Variants in GRIN2A observed in about 807,000 individuals in gnomAD.
GRIN2A encodes glutamate ionotropic receptor NMDA type subunit 2A.
A neutral mutation model predicts 113.4 loss-of-function variants in GRIN2A; 22 were observed. The ratio of observed to expected loss-of-function variants is 0.19; its 90% CI spans 0.14 to 0.28. The LOEUF (loss-of-function observed/expected upper bound fraction) is 0.28. Ranked by LOEUF, GRIN2A falls within the 10% of genes least tolerant of loss-of-function variation. GRIN2A has a pLI of 1.00. For synonymous variants in GRIN2A, 827 were observed against 738.4 expected (o/e 1.12, Z -1.94); for missense variants, 1,502 against 1,887.0 (o/e 0.80, Z 3.78).
At chr16:9,945,853 C>T (rs981116896) in intron 2 of GRIN2A, among the ~76,000 whole-genome samples, 6 of 152,114 alleles carry the variant, frequency 3.9e-5, no homozygotes, top group African/African-American at 1.4e-4. Context: ...TTTGCTATAT[C>T]ATTTAGTCAA....
intron 2 of GRIN2A, chr16:10,036,878 C>A (rs959056439): frequency 6.6e-6 from 1 of 152,096 alleles, no homozygotes; most frequent in Non-Finnish European, 1.5e-5. Context: ...TAATGACCTC[C>A]TTTTAACTTG....
chr16:9,837,894 T>G (rs978207519), intron 7 of GRIN2A, among the ~76,000 whole-genome samples: 5 of 152,150 alleles, frequency 3.3e-5, no homozygotes, highest in African/African-American at 1.2e-4. Context: ...TTACAAAAAT[T>G]GAAGCAACGA....
At chr16:9,798,253 G>A (rs756983636) in intron 11 of GRIN2A, 24 bp downstream of exon 11, 9 of 1,603,194 alleles carry the variant, frequency 5.6e-6, no homozygotes, top group Middle Eastern at 1.7e-4. Context: ...TCCCCCTAAA[G>A]AAAGGGGTCA....
rs868029824 is a variant in GRIN2A, at chr16:9,940,040, G to C, written c.415-1489C>G. Reference sequence around the variant, plus strand: ...ACTGAGAGAGAGAGAGAGAGAGAGAGAAAGAGAGAGAGAGAGAGAGAGTGT... The same window carrying C: ...ACTGAGAGAGAGAGAGAGAGAGAGACAAAGAGAGAGAGAGAGAGAGAGTGT... On this transcript the variant is annotated intron_variant, in intron 2 of 12. Coordinates refer to ENST00000330684, the MANE Select transcript of GRIN2A (RefSeq NM_001134407.3). Among the ~76,000 whole-genome samples, 3 of 136,178 alleles carry C rather than the reference G, an allele frequency of 2.2e-5. No individual in the cohort carries two copies. The South Asian group carries it at 6.9e-4, about 31-fold the overall frequency. 89.3% of individuals were successfully genotyped at this position (136,178 alleles called of 152,430 possible).
At chr16:10,062,034 C>T (rs950520768) in intron 2 of GRIN2A, among the ~76,000 whole-genome samples, 4 of 152,114 alleles carry the variant, frequency 2.6e-5, no homozygotes, top group Non-Finnish European at 4.4e-5. Context: ...GGGGAGGCAA[C>T]TGAGGATCAG....
chr16:10,046,077 A>G (rs1240810166), intron 2 of GRIN2A, among the ~76,000 whole-genome samples: 1 of 152,002 alleles, frequency 6.6e-6, no homozygotes, highest in East Asian at 1.9e-4. Flanking sequence ...GTTGAAAACC[A>G]CTGCTCTAAG....
intron 2 of GRIN2A, among the ~76,000 whole-genome samples, chr16:10,063,158 G>A (rs984626561): frequency 1.3e-5 from 2 of 152,154 alleles, no homozygotes; most frequent in African/African-American, 4.8e-5. Flanking sequence ...TCACTTATAA[G>A]TGAGAGCTAA....
intron 2 of GRIN2A, among the ~76,000 whole-genome samples, chr16:10,077,843 A>T (rs2047905127): frequency 6.6e-6 from 1 of 151,978 alleles, no homozygotes; most frequent in African/African-American, 2.4e-5. Flanking sequence ...TCTTTATCCA[A>T]ATACCATTTT....
chr16:9,967,672 C>T (rs2045582852), intron 2 of GRIN2A, among the ~76,000 whole-genome samples: 1 of 152,068 alleles, frequency 6.6e-6, no homozygotes, highest in South Asian at 2.1e-4. Flanking sequence ...CACCATTGCA[C>T]TGCATCCTGG....
chr16:9,990,597 ACG>A lies in GRIN2A; in HGVS notation c.415-52048_415-52047del, dbSNP rs1223761776. Among the ~76,000 whole-genome samples, 5 of 143,622 alleles carry A rather than the reference ACG, an allele frequency of 3.5e-5. No homozygotes were observed. In the East Asian group the frequency reaches 6.6e-4, roughly 19 times the overall value. The allele number at this position is 143,622 out of a possible 152,430, so 94.2% of individuals were successfully genotyped here. ...CACACACACACACACACACACACAC[ACG>A]GTTGATGGAAAATGAATGCTGCCTC... is the stretch of plus-strand genomic sequence containing the variant. On this transcript the variant is annotated intron_variant, in intron 2 of 12. Transcript: ENST00000330684.
chr16:9,785,332 C>T (rs550276373), intron 11 of GRIN2A, among the ~76,000 whole-genome samples: 10 of 151,186 alleles, frequency 6.6e-5, no homozygotes, highest in South Asian at 6.3e-4. Context: ...AGCAAACTAT[C>T]GCAAGGACAA....
chr16:9,755,534 C>T lies in GRIN2A; in HGVS notation c.*7615G>A. 5.5e-6 allele frequency: 1 copy of T among 183,066 alleles called. No homozygotes were observed. The allele number at this position is 183,066 out of a possible 1,614,324, so 11.3% of individuals were successfully genotyped here. On this transcript the variant is annotated 3_prime_UTR_variant, in exon 13 of 13. Coordinates refer to ENST00000330684, the MANE Select transcript of GRIN2A (RefSeq NM_001134407.3). ...AAGTTAGCTAACTCTCCAGAGAATT[C>T]ATGGAGACTCCCAGAAAGACATTCC...
intron 2 of GRIN2A, among the ~76,000 whole-genome samples, chr16:10,139,054 C>A (rs984206449): frequency 2.6e-5 from 4 of 152,166 alleles, no homozygotes; most frequent in Non-Finnish European, 5.9e-5. Context: ...GAAGACCAGT[C>A]GTGTGTGAAA....
At chr16:9,848,810 T>C (rs2042827360) in intron 5 of GRIN2A, among the ~76,000 whole-genome samples, 1 of 93,246 alleles carries the variant, frequency 1.1e-5, no homozygotes, top group African/African-American at 5.3e-5. Flanking sequence ...CTGTTTTATA[T>C]ATTTAAATAT....
chr16:9,942,337 A>G (rs968450019), intron 2 of GRIN2A, among the ~76,000 whole-genome samples: 2 of 152,154 alleles, frequency 1.3e-5, no homozygotes, highest in African/African-American at 2.4e-5. Context: ...TCTAGGGTCT[A>G]TTGAACCTAA....
At chr16:9,917,056 C>T (rs543565811) in intron 3 of GRIN2A, among the ~76,000 whole-genome samples, 2 of 152,292 alleles carry the variant, frequency 1.3e-5, no homozygotes, top group East Asian at 3.9e-4. Context: ...TAAAATATTT[C>T]CCATCTCAGG....
chr16:9,912,670 AT>A (rs2044168442), intron 3 of GRIN2A, among the ~76,000 whole-genome samples: 2 of 152,294 alleles, frequency 1.3e-5, no homozygotes, highest in African/African-American at 2.4e-5. Flanking sequence ...GATAATAAAA[AT>A]ACTCATATGG....
intron 2 of GRIN2A, among the ~76,000 whole-genome samples, chr16:10,049,373 AT>A (rs372971217): frequency 6.7e-6 from 1 of 149,876 alleles, no homozygotes; most frequent in African/African-American, 2.5e-5. Context: ...TTATTTATTG[AT>A]TTTTTACTAT....
chr16:9,819,275 T>A (rs760098922), intron 10 of GRIN2A, among the ~76,000 whole-genome samples: 12 of 152,158 alleles, frequency 7.9e-5, no homozygotes, highest in Non-Finnish European at 1.5e-4. Context: ...ATCCCAGCAC[T>A]TTGAGAGGCT....
Sources: gnomAD v4.1 joint callset for allele counts (sites outside exome capture counted in the v4.1 genomes callset) on GRCh38, gnomAD v4.1.1 for gene constraint, MANE v1.5 for transcripts, NCBI Gene and HGNC (gene_info 2026-07-23, HGNC 2026-07-21) for gene names.